The following CHRM3 variants were observed in gnomAD, a reference collection of about 807,000 sequenced individuals.
The protein encoded by CHRM3 is muscarinic acetylcholine receptor M3.
Under a neutral mutation model 41.8 loss-of-function variants are expected in CHRM3, and 11 were observed. The observed-to-expected ratio is 0.26, with a 90% CI of 0.17 to 0.44. The LOEUF is 0.44. CHRM3 is among the 20% of genes least tolerant of loss of function. The pLI is 1.00. For missense variants in CHRM3, 571 were observed against 745.4 expected (o/e 0.77, Z 2.72); for synonymous variants, 297 against 301.4 (o/e 0.99, Z 0.15).
rs1258960218 is a variant in CHRM3 at position 239,914,723 on chromosome 1, G to GT, written c.*5501dup. On this transcript the variant is annotated 3_prime_UTR_variant, in exon 7 of 7. Coordinates refer to ENST00000676153, the MANE Select transcript of CHRM3 (RefSeq NM_001375978.1). The stretch of plus-strand genomic sequence containing the variant: ...AAGAAGTATCTGGAGGGCCTGGAGA[G>GT]TTCATAAACATAGTTTTCTGTGCAA... 6.0e-6 allele frequency: 1 copy of GT among 167,052 alleles called. No homozygotes were observed. Among genetic ancestry groups the GT allele is most frequent in the Admixed American group, 6.5e-5 (1 of 15,272 alleles). 10.3% of individuals were successfully genotyped at this position (167,052 alleles called of 1,614,324 possible).
In CHRM3 at chr1:239,909,047, G is replaced by A. The variant is rs1446727927; in HGVS notation, c.1596G>A (p.Leu532=). Residue 532 remains leucine, a synonymous_variant, in exon 7 of 7, where the codon CTG becomes CTA. Coordinates refer to ENST00000676153, the MANE Select transcript of CHRM3 (RefSeq NM_001375978.1). Reference sequence around the variant, plus strand: ...CCTTTTGGAATCTGGGCTACTGGCTGTGCTACATCAACAGCACCGTGAACC... The same window carrying A: ...CCTTTTGGAATCTGGGCTACTGGCTATGCTACATCAACAGCACCGTGAACC... ...PKTFWNLGYW[L]CYINSTVNPV... is the part of the protein sequence containing the mutation. The A allele has an allele frequency of 1.2e-6, 2 of 1,614,152 alleles. No homozygotes were observed. Among genetic ancestry groups the A allele is most frequent in the East Asian group, 2.2e-5 (1 of 44,864 alleles).
chr1:239,688,715 T>G (rs1659411985), intron 5 of CHRM3, among the ~76,000 whole-genome samples: 2 of 135,004 alleles, frequency 1.5e-5, no homozygotes, highest in African/African-American at 5.5e-5. Context: ...TATAATACAT[T>G]ATTCAATATA....
At chr1:239,696,000 C>T (rs190006676) in intron 5 of CHRM3, among the ~76,000 whole-genome samples, 191 of 152,264 alleles carry the variant, frequency 1.3e-3, no homozygotes, top group South Asian at 3.7e-3. Context: ...TTAAACATCA[C>T]CTTTTCATGT....
In CHRM3 at chr1:239,748,817, T is replaced by C. The variant is rs925092221; in HGVS notation, c.-147+70529T>C. 6.6e-6 allele frequency among the ~76,000 whole-genome samples: 1 copy of C among 152,230 alleles called. No individual in the cohort carries two copies. Among genetic ancestry groups the C allele is most frequent in the African/African-American group, 2.4e-5 (1 of 41,460 alleles). Reference sequence around the variant, plus strand: ...ATTCTGGTGGGCCTTGTATTTTATGTTAGCCCTTCTCTAGATTTATGCAGA... The same window carrying C: ...ATTCTGGTGGGCCTTGTATTTTATGCTAGCCCTTCTCTAGATTTATGCAGA... On this transcript the variant is annotated intron_variant, in intron 5 of 6. Coordinates refer to ENST00000676153, the MANE Select transcript of CHRM3 (RefSeq NM_001375978.1). This position sits in a 1 kb window ranked among gnomAD's most constrained non-coding sequence, Gnocchi z 4.3.
chr1:239,642,215 A>G (rs1671237884), intron 4 of CHRM3, among the ~76,000 whole-genome samples: 1 of 148,544 alleles, frequency 6.7e-6, no homozygotes, highest in Non-Finnish European at 1.5e-5. Context: ...CCTTCATTTC[A>G]ACTTTGGTGA....
chr1:239,672,799 G>A (rs558522687), intron 4 of CHRM3, among the ~76,000 whole-genome samples: 8 of 152,234 alleles, frequency 5.3e-5, no homozygotes, highest in African/African-American at 1.9e-4. Context: ...CAAATGGTTT[G>A]TAAGATTTAT....
rs547097512 is a variant in CHRM3, at chr1:239,859,091, T to C, written c.-20+31713T>C. 2.8e-4 allele frequency among the ~76,000 whole-genome samples: 43 copies of C among 152,342 alleles called. 1 individual carries two copies. The highest frequency in any genetic ancestry group is 9.4e-4 in the African/African-American group (39 of 41,582). Reference sequence around the variant, plus strand: ...TTTCAGGTAGACATATGTTTTCATTTCTTCTGGGCATATACCTAGTAATGG... The same window carrying C: ...TTTCAGGTAGACATATGTTTTCATTCCTTCTGGGCATATACCTAGTAATGG... On this transcript the variant is annotated intron_variant, in intron 6 of 6. Transcript: ENST00000676153.
intron 4 of CHRM3, among the ~76,000 whole-genome samples, chr1:239,642,750 C>G (rs1053210354): frequency 1.3e-5 from 2 of 152,178 alleles, no homozygotes; most frequent in African/African-American, 4.8e-5. Flanking sequence ...TCATCTGAAG[C>G]CTTCTTCTCT....
chr1:239,854,193 A>G (rs1218606434), intron 6 of CHRM3, among the ~76,000 whole-genome samples: 1 of 152,270 alleles, frequency 6.6e-6, no homozygotes, highest in East Asian at 1.9e-4. Flanking sequence ...CGAAGAGACC[A>G]TCAAGGATTA....
intron 4 of CHRM3, among the ~76,000 whole-genome samples, chr1:239,661,176 C>T (rs764413648): frequency 2.6e-5 from 4 of 152,138 alleles, no homozygotes; most frequent in Non-Finnish European, 5.9e-5. Flanking sequence ...TAAATGTCTT[C>T]TACTTTTATT....
In CHRM3 at chr1:239,464,719, C is replaced by T. The variant is rs188928229; in HGVS notation, c.-520-27990C>T. 3.9e-4 allele frequency among the ~76,000 whole-genome samples: 60 copies of T among 152,236 alleles called. 1 individual carries two copies. The highest frequency in any genetic ancestry group is 1.4e-3 in the African/African-American group (59 of 41,542). ...TACTGGACCAATTTCCAGTCCTGGG[C>T]CTCATGTGACATGCAGTTTCTGCCT... On this transcript the variant is annotated intron_variant, in intron 1 of 6. Transcript: ENST00000676153.
intron 3 of CHRM3, among the ~76,000 whole-genome samples, chr1:239,617,857 C>T (rs1412822959): frequency 1.3e-5 from 2 of 152,154 alleles, no homozygotes; most frequent in Non-Finnish European, 2.9e-5. Context: ...CAAGTGATGA[C>T]AGTCTGTATG....
At position 239,909,405 on chromosome 1, in the gene CHRM3, A is replaced by G; in HGVS notation, c.*181A>G. On this transcript the variant is annotated 3_prime_UTR_variant, in exon 7 of 7. Transcript: ENST00000676153. The stretch of plus-strand genomic sequence containing the variant: ...ACCCATTTTAATAGAAAAAGTCAAT[A>G]CCAATTCAGCAAAAAGAAAAAAAAA... 1 of 503,376 alleles carries G rather than the reference A, an allele frequency of 2.0e-6. No homozygotes were observed. Among genetic ancestry groups the G allele is most frequent in the Non-Finnish European group, 3.5e-6 (1 of 289,178 alleles). The allele number at this position is 503,376 out of a possible 1,614,324, so 31.2% of individuals were successfully genotyped here.
chr1:239,849,273 C>T (rs948047666), intron 6 of CHRM3, among the ~76,000 whole-genome samples: 4 of 152,176 alleles, frequency 2.6e-5, no homozygotes, highest in African/African-American at 9.7e-5. Context: ...TGCATATTTA[C>T]TTCACTGTCC....
chr1:239,402,303 G>C (rs915065113), intron 1 of CHRM3, among the ~76,000 whole-genome samples: 5 of 152,152 alleles, frequency 3.3e-5, no homozygotes, highest in Non-Finnish European at 1.5e-5. Context: ...TTTACGTGCA[G>C]CTTATAAGTC....
chr1:239,686,796 C>T lies in CHRM3; in HGVS notation c.-147+8508C>T, dbSNP rs562743287. On this transcript the variant is annotated intron_variant, in intron 5 of 6. Coordinates refer to ENST00000676153, the MANE Select transcript of CHRM3 (RefSeq NM_001375978.1). ...AAATTATGCAATCAACTAATTTGCT[C>T]CACATTCTGGAGCATTCAGAAAGAT... 1.2e-4 allele frequency among the ~76,000 whole-genome samples: 18 copies of T among 152,266 alleles called. No individual in the cohort carries two copies. The East Asian group carries it at 2.5e-3, about 21-fold the overall frequency.
At chr1:239,510,819 A>C (rs896278743) in intron 2 of CHRM3, among the ~76,000 whole-genome samples, 2 of 152,128 alleles carry the variant, frequency 1.3e-5, no homozygotes, top group African/African-American at 4.8e-5. Flanking sequence ...TACAGGCATC[A>C]ACCACCGCGG....
chr1:239,513,702 A>G (rs749589904), intron 2 of CHRM3, among the ~76,000 whole-genome samples: 1 of 152,178 alleles, frequency 6.6e-6, no homozygotes, highest in East Asian at 1.9e-4. Flanking sequence ...AGCAATTGCC[A>G]TATCCAAGGT....
At chr1:239,818,916 C>T (rs1238290776) in intron 5 of CHRM3, among the ~76,000 whole-genome samples, 1 of 152,162 alleles carries the variant, frequency 6.6e-6, no homozygotes, top group African/African-American at 2.4e-5. Flanking sequence ...CGATTGGTTG[C>T]TGTGAAGCTC....
Sources: allele counts gnomAD v4.1 joint callset (sites outside exome capture counted in the v4.1 genomes callset), GRCh38; gene constraint gnomAD v4.1.1; non-coding constraint Gnocchi (gnomAD v3.1); transcripts MANE v1.5; gene names NCBI Gene and HGNC (gene_info 2026-07-23, HGNC 2026-07-21).